Variants in PARD3B observed in about 807,000 individuals in gnomAD.
PARD3B encodes partitioning defective 3 homolog B.
Under a neutral mutation model 130.2 loss-of-function variants are expected in PARD3B, and 103 were observed. That is an observed-to-expected ratio of 0.79 (90% confidence interval 0.67 to 0.93). PARD3B has a LOEUF of 0.93. Ranked by LOEUF, PARD3B falls within the 40% of genes least tolerant of loss-of-function variation. PARD3B has a pLI of 0.00. For missense variants in PARD3B, 1,609 were observed against 1,499.2 expected, an observed-to-expected ratio of 1.07 and a Z score of -1.21; for synonymous variants, 583 against 553.2, an observed-to-expected ratio of 1.05 and a Z score of -0.76.
chr2:205,448,049 G>A (rs2047969346), intron 20 of PARD3B, among the ~76,000 whole-genome samples: 1 of 152,176 alleles, frequency 6.6e-6, no homozygotes, highest in Admixed American at 6.5e-5. Flanking sequence ...CTTAGCACTG[G>A]CCTTAAGAAG....
chr2:204,630,290 A>G (rs1239490716), intron 1 of PARD3B, among the ~76,000 whole-genome samples: 1 of 152,118 alleles, frequency 6.6e-6, no homozygotes, highest in Admixed American at 6.6e-5. Flanking sequence ...TAACCACGGT[A>G]TAGGGATTTT....
chr2:205,385,217 C>A (rs2045619598), intron 18 of PARD3B, among the ~76,000 whole-genome samples: 1 of 152,010 alleles, frequency 6.6e-6, no homozygotes. Flanking sequence ...TGAGTTTATG[C>A]AGTACTTTTT....
chr2:205,139,731 T>TAA (rs11383399), intron 10 of PARD3B, among the ~76,000 whole-genome samples: 1 of 146,096 alleles, frequency 6.8e-6, no homozygotes, highest in African/African-American at 2.5e-5. Flanking sequence ...AGTATGATTG[T>TAA]AAAAAAAAAA....
At chr2:205,515,740 G>C (rs2050768782) in intron 21 of PARD3B, among the ~76,000 whole-genome samples, 1 of 152,084 alleles carries the variant, frequency 6.6e-6, no homozygotes, top group South Asian at 2.1e-4. Context: ...CTCCCATTCT[G>C]TAGGTTGTAT....
intron 3 of PARD3B, among the ~76,000 whole-genome samples, chr2:205,007,143 C>G (rs1178072754): frequency 6.6e-6 from 1 of 152,096 alleles, no homozygotes; most frequent in African/African-American, 2.4e-5. Context: ...TTATAAGCAT[C>G]TGGTATTTCC....
At position 205,128,533 on chromosome 2, in the gene PARD3B, G is replaced by T. The variant is rs796278669; in HGVS notation, c.1434+2796G>T. ...ATCCACCACTTACTAGCTGTGTGAT[G>T]TAGAGCCATTCGGAACATCACTCAG... On this transcript the variant is annotated intron_variant, in intron 10 of 22. Transcript: ENST00000406610. This position sits in a 1 kb window ranked among gnomAD's most constrained non-coding sequence, Gnocchi z 4.5. Among the ~76,000 whole-genome samples, 2 of 152,230 alleles carry T rather than the reference G, an allele frequency of 1.3e-5. No individual in the cohort carries two copies. The highest frequency in any genetic ancestry group is 4.8e-5 in the African/African-American group (2 of 41,464).
chr2:205,121,997 A>T lies in PARD3B; in HGVS notation c.1165+48A>T, dbSNP rs767918315. ...TAGCATTCTATTATTGTAACATGTA[A>T]AATTGGTTAAGAGAAATGCATTAAG... On this transcript the variant is annotated intron_variant, in intron 8 of 22. Coordinates refer to ENST00000406610, the MANE Select transcript of PARD3B (RefSeq NM_001302769.2). This position sits in a 1 kb window ranked among gnomAD's most constrained non-coding sequence, Gnocchi z 5.0. 4 of 1,469,268 alleles carry T rather than the reference A, an allele frequency of 2.7e-6. No homozygotes were observed. Among genetic ancestry groups the T allele is most frequent in the Non-Finnish European group, 3.7e-6 (4 of 1,085,426 alleles). The allele number at this position is 1,469,268 out of a possible 1,614,324, so 91.0% of individuals were successfully genotyped here.
chr2:205,014,884 C>G (rs1261928493), intron 3 of PARD3B, among the ~76,000 whole-genome samples: 1 of 152,170 alleles, frequency 6.6e-6, no homozygotes, highest in African/African-American at 2.4e-5. Context: ...AGGAATGTAA[C>G]TGTCATAGGC....
intron 1 of PARD3B, among the ~76,000 whole-genome samples, chr2:204,570,425 G>A (rs553307854): frequency 6.6e-6 from 1 of 152,214 alleles, no homozygotes; most frequent in Admixed American, 6.5e-5. Context: ...GCAAAGAACA[G>A]CTTGACAGTT....
Position 204,640,263 on chromosome 2 carries a change from C to A in PARD3B, c.121-45918C>A, listed in dbSNP as rs781507118. 2.6e-5 allele frequency among the ~76,000 whole-genome samples: 4 copies of A among 152,054 alleles called. No homozygotes were observed. In the East Asian group the frequency reaches 7.7e-4, roughly 29 times the overall value. Reference sequence around the variant, plus strand: ...AGAGTGAGACCCTGTCTCAAAAAAACAAAACAGATAGACTCCTTGCTCTTC... The same window carrying A: ...AGAGTGAGACCCTGTCTCAAAAAAAAAAAACAGATAGACTCCTTGCTCTTC... On this transcript the variant is annotated intron_variant, in intron 1 of 22. Coordinates refer to ENST00000406610, the MANE Select transcript of PARD3B (RefSeq NM_001302769.2).
intron 2 of PARD3B, among the ~76,000 whole-genome samples, chr2:204,798,214 C>T (rs2042441412): frequency 6.6e-6 from 1 of 152,146 alleles, no homozygotes; most frequent in Admixed American, 6.6e-5. Flanking sequence ...CGCTGCTTGG[C>T]ACCAGGAGAG....
intron 2 of PARD3B, among the ~76,000 whole-genome samples, chr2:204,806,753 T>C (rs1364203551): frequency 6.6e-6 from 1 of 152,126 alleles, no homozygotes; most frequent in African/African-American, 2.4e-5. Context: ...CAGACAGGAT[T>C]AAGAACCAGA....
intron 15 of PARD3B, among the ~76,000 whole-genome samples, chr2:205,215,782 C>T (rs910298343): frequency 6.6e-6 from 1 of 151,646 alleles, no homozygotes; most frequent in Non-Finnish European, 1.5e-5. Context: ...TAAAAATTAT[C>T]CTACCAAAAA....
intron 21 of PARD3B, among the ~76,000 whole-genome samples, chr2:205,538,940 T>C (rs1243523110): frequency 1.3e-5 from 2 of 152,218 alleles, no homozygotes; most frequent in East Asian, 3.8e-4. Context: ...AACAGTCATC[T>C]GAGTGGGTAT....
At chr2:205,126,716 G>A (rs1346613566) in intron 10 of PARD3B, among the ~76,000 whole-genome samples, 8 of 127,364 alleles carry the variant, frequency 6.3e-5, no homozygotes, top group Admixed American at 9.2e-5. Context: ...ACTGCAGTCC[G>A]CAGTCCCACC....
intron 10 of PARD3B, among the ~76,000 whole-genome samples, chr2:205,133,485 G>A (rs533628256): frequency 2.6e-5 from 4 of 152,222 alleles, no homozygotes; most frequent in African/African-American, 9.6e-5. Context: ...ATTGTAACAA[G>A]CCTTCCAGAT....
chr2:204,725,334 T>C (rs2039175678), intron 2 of PARD3B, among the ~76,000 whole-genome samples: 1 of 152,204 alleles, frequency 6.6e-6, no homozygotes, highest in African/African-American at 2.4e-5. Context: ...CAAATTGCTT[T>C]GAACATGTAG....
intron 19 of PARD3B, among the ~76,000 whole-genome samples, chr2:205,424,180 C>T (rs896643708): frequency 6.6e-6 from 1 of 152,112 alleles, no homozygotes; most frequent in Non-Finnish European, 1.5e-5. Flanking sequence ...AGACTGTACC[C>T]TCTGTGTCTT....
chr2:204,772,795 G>A (rs577723051), intron 2 of PARD3B, among the ~76,000 whole-genome samples: 2 of 152,018 alleles, frequency 1.3e-5, no homozygotes, highest in African/African-American at 4.8e-5. Flanking sequence ...TATTTTGTAT[G>A]GTTTATATAA....
Sources: gnomAD v4.1 joint callset for allele counts (sites outside exome capture counted in the v4.1 genomes callset) on GRCh38, gnomAD v4.1.1 for gene constraint, Gnocchi (gnomAD v3.1) non-coding constraint, MANE v1.5 for transcripts, NCBI Gene and HGNC (gene_info 2026-07-23, HGNC 2026-07-21) for gene names.